Variants in LDB2 observed in about 807,000 individuals in gnomAD.
The protein encoded by LDB2 is LIM domain-binding protein 2.
A neutral mutation model predicts 44.3 loss-of-function variants in LDB2; 12 were observed. The ratio of observed to expected loss-of-function variants is 0.27; its 90% CI spans 0.17 to 0.44. The LOEUF is 0.44. Among genes scored for constraint, LDB2 ranks in the 20% least tolerant of loss-of-function variants. The pLI, the probability that LDB2 is intolerant of heterozygous loss-of-function variation, is 1.00. For synonymous variants in LDB2, 164 were observed against 174.8 expected (o/e 0.94, Z 0.49); for missense variants, 344 against 473.5 (o/e 0.73, Z 2.54).
At chr4:16,745,163 T>G (rs1174309769) in intron 2 of LDB2, among the ~76,000 whole-genome samples, 1 of 152,146 alleles carries the variant, frequency 6.6e-6, no homozygotes, top group Non-Finnish European at 1.5e-5. Flanking sequence ...ATGTAAGGCA[T>G]TCTCTAATTG....
chr4:16,863,949 C>T (rs924075323), intron 1 of LDB2, among the ~76,000 whole-genome samples: 1 of 152,126 alleles, frequency 6.6e-6, no homozygotes, highest in African/African-American at 2.4e-5. Context: ...CGTGAGCCAC[C>T]GCGCCTGGCA....
chr4:16,715,219 G>T (rs533565405), intron 2 of LDB2, among the ~76,000 whole-genome samples: 5 of 152,118 alleles, frequency 3.3e-5, no homozygotes, highest in African/African-American at 7.2e-5. Context: ...GAGGCAGAAG[G>T]CCTCTAGTAC....
At chr4:16,694,980 T>C (rs1751756802) in intron 2 of LDB2, among the ~76,000 whole-genome samples, 1 of 152,238 alleles carries the variant, frequency 6.6e-6, no homozygotes, top group Non-Finnish European at 1.5e-5. Flanking sequence ...GAGGAATTTG[T>C]GTACTTACCT....
chr4:16,794,373 G>A (rs1776329568), intron 1 of LDB2, among the ~76,000 whole-genome samples: 2 of 152,196 alleles, frequency 1.3e-5, no homozygotes, highest in African/African-American at 4.8e-5. Flanking sequence ...GATGACTGCA[G>A]CTCCTCCTCA....
At chr4:16,692,152 ACATGGAAAGGAGAAT>A (rs1750928743) in intron 2 of LDB2, among the ~76,000 whole-genome samples, 1 of 152,172 alleles carries the variant, frequency 6.6e-6, no homozygotes, top group South Asian at 2.1e-4. Flanking sequence ...GACAAATTCT[ACATGGAAAGGAGAAT>A]CATGTGAGTA....
intron 1 of LDB2, chr4:16,893,015 A>G (rs2110531552): frequency 1.3e-6 from 1 of 777,334 alleles, no homozygotes; most frequent in African/African-American, 1.9e-5. Context: ...TCCCATAGTA[A>G]GAAAATGGGG....
intron 1 of LDB2, among the ~76,000 whole-genome samples, chr4:16,864,617 C>A (rs1421445541): frequency 1.3e-5 from 2 of 152,122 alleles, no homozygotes; most frequent in Non-Finnish European, 2.9e-5. Flanking sequence ...GGAACTGCAA[C>A]CAACTCTTAA....
At position 16,685,411 on chromosome 4, in the gene LDB2, GTT is replaced by G. The variant is rs1748992191; in HGVS notation, c.235+73745_235+73746del. On this transcript the variant is annotated intron_variant, in intron 2 of 7. Coordinates refer to ENST00000304523, the MANE Select transcript of LDB2 (RefSeq NM_001290.5). ...GTTTTGTTTTTTGTTTTTTTGTTTT[GTT>G]TTGTTTTGTTTTTGCTGGAAAGCTA... 4.0e-5 allele frequency among the ~76,000 whole-genome samples: 6 copies of G among 151,426 alleles called. No homozygotes were observed. In the South Asian group the frequency reaches 1.0e-3, roughly 26 times the overall value.
At chr4:16,527,461 A>G (rs915018102) in intron 5 of LDB2, among the ~76,000 whole-genome samples, 5 of 152,224 alleles carry the variant, frequency 3.3e-5, no homozygotes, top group African/African-American at 1.2e-4. Context: ...TGAAAAGGGA[A>G]CACTTTTACA....
chr4:16,849,700 T>C (rs1238619754), intron 1 of LDB2, among the ~76,000 whole-genome samples: 1 of 152,232 alleles, frequency 6.6e-6, no homozygotes, highest in Non-Finnish European at 1.5e-5. Context: ...CTTTTAAGTG[T>C]AGCCATTGAA....
chr4:16,897,835 G>A (rs1725491911), intron 1 of LDB2, among the ~76,000 whole-genome samples: 1 of 149,168 alleles, frequency 6.7e-6, no homozygotes, highest in Non-Finnish European at 1.5e-5. Context: ...CTCGATTTTG[G>A]TGACTCTGAA....
rs534990314 is a variant in LDB2 at position 16,561,369 on chromosome 4, G to A, written c.615+24553C>T. On this transcript the variant is annotated intron_variant, in intron 5 of 7. Transcript: ENST00000304523. ...TAAGCTGATAAGCAACTTCAGCAAA[G>A]TCTCAGGATACAAAATCAATGTACA... Among the ~76,000 whole-genome samples, 316 of 152,268 alleles carry A rather than the reference G, an allele frequency of 2.1e-3. 3 individuals are homozygous for A. Among genetic ancestry groups the A allele is most frequent in the African/African-American group, 7.3e-3 (304 of 41,542 alleles).
chr4:16,807,065 G>A (rs1778922479), intron 1 of LDB2, among the ~76,000 whole-genome samples: 3 of 152,182 alleles, frequency 2.0e-5, no homozygotes, highest in Admixed American at 1.3e-4. Flanking sequence ...GTCCCATCCT[G>A]GGACACATTG....
intron 2 of LDB2, among the ~76,000 whole-genome samples, chr4:16,630,195 C>T (rs754613769): frequency 3.3e-5 from 5 of 152,168 alleles, no homozygotes; most frequent in Admixed American, 1.3e-4. Flanking sequence ...AGATAAAGGT[C>T]GAGTTACCCA....
chr4:16,565,658 GAAAT>G (rs1209616912), intron 5 of LDB2, among the ~76,000 whole-genome samples: 7 of 151,488 alleles, frequency 4.6e-5, no homozygotes, highest in African/African-American at 7.3e-5. Flanking sequence ...ACAAAAGAAA[GAAAT>G]AAGATATAAA....
intron 2 of LDB2, among the ~76,000 whole-genome samples, chr4:16,721,885 T>C (rs1758365067): frequency 6.6e-6 from 1 of 152,214 alleles, no homozygotes; most frequent in Non-Finnish European, 1.5e-5. Flanking sequence ...AGATAAGGTA[T>C]GAATCATTCA....
chr4:16,721,269 A>T lies in LDB2; in HGVS notation c.235+37889T>A, dbSNP rs929149256. Among the ~76,000 whole-genome samples the T allele has an allele frequency of 1.9e-4, 29 of 152,144 alleles. 1 individual carries two copies. Among genetic ancestry groups the T allele is most frequent in the Admixed American group, 1.4e-3 (22 of 15,256 alleles). On this transcript the variant is annotated intron_variant, in intron 2 of 7. Coordinates refer to ENST00000304523, the MANE Select transcript of LDB2 (RefSeq NM_001290.5). ...GCACACAATACATGCAAGTTAAATC[A>T]GGGTCAGTTCTTAATTATCCACATT... is the stretch of plus-strand genomic sequence containing the variant.
chr4:16,838,743 A>C (rs565084927), intron 1 of LDB2, among the ~76,000 whole-genome samples: 3 of 152,314 alleles, frequency 2.0e-5, no homozygotes, highest in South Asian at 2.1e-4. Context: ...AAGGACATTA[A>C]TCTGTTATCC....
chr4:16,631,793 G>C (rs1005290063), intron 2 of LDB2, among the ~76,000 whole-genome samples: 2 of 152,190 alleles, frequency 1.3e-5, no homozygotes, highest in African/African-American at 2.4e-5. Context: ...TACCATCAGA[G>C]AATGCTACAA....
Sources: gnomAD v4.1 joint callset for allele counts (sites outside exome capture counted in the v4.1 genomes callset) on GRCh38, gnomAD v4.1.1 for gene constraint, MANE v1.5 for transcripts, NCBI Gene and HGNC (gene_info 2026-07-23, HGNC 2026-07-21) for gene names.